IPP: variants seen among roughly 807,000 people sequenced by gnomAD.
IPP encodes actin-binding protein IPP.
A neutral mutation model predicts 64.1 loss-of-function variants in IPP; 41 were observed. The ratio of observed to expected loss-of-function variants is 0.64; its 90% CI spans 0.50 to 0.83. The LOEUF (loss-of-function observed/expected upper bound fraction) is 0.83. Among genes scored for constraint, IPP ranks in the 40% least tolerant of loss-of-function variants. The pLI is 0.00. For synonymous variants in IPP, 214 were observed against 235.2 expected, an observed-to-expected ratio of 0.91 and a Z score of 0.83; for missense variants, 649 against 703.0, an observed-to-expected ratio of 0.92 and a Z score of 0.87.
intron 8 of IPP, among the ~76,000 whole-genome samples, chr1:45,708,405 G>A (rs199538870): frequency 5.4e-4 from 81 of 150,908 alleles, no homozygotes; most frequent in African/African-American, 1.7e-3. Context: ...AGGGCCAGGC[G>A]CGGTGGCTCA....
chr1:45,711,201 G>C (rs1398767208), intron 8 of IPP, among the ~76,000 whole-genome samples: 1 of 150,840 alleles, frequency 6.6e-6, no homozygotes, highest in African/African-American at 2.4e-5. Context: ...AATTAGCCAG[G>C]CATGGTGGCG....
intron 5 of IPP, among the ~76,000 whole-genome samples, chr1:45,727,288 G>C (rs970922204): frequency 5.9e-5 from 9 of 152,120 alleles, no homozygotes; most frequent in Non-Finnish European, 1.2e-4. Flanking sequence ...GAGCTCAAGT[G>C]ATCCGCCTGC....
intron 3 of IPP, among the ~76,000 whole-genome samples, chr1:45,740,559 C>A (rs559734772): frequency 7.9e-5 from 12 of 152,188 alleles, no homozygotes; most frequent in Admixed American, 3.9e-4. Context: ...GCTGACCCCC[C>A]CTAGGAAATC....
intron 3 of IPP, among the ~76,000 whole-genome samples, chr1:45,731,352 G>A (rs535862770): frequency 6.6e-6 from 1 of 152,166 alleles, no homozygotes; most frequent in East Asian, 1.9e-4. Context: ...GAGGAGGGAG[G>A]ATCACTTGAG....
Position 45,714,422 on chromosome 1 carries a change from G to C in IPP, c.1354C>G (p.Leu452Val), listed in dbSNP as rs1645631158. The change falls in exon 8 of 9, where the codon CTT (leucine) becomes GTT (valine). Residue 452 changes from leucine to valine, a missense_variant. By Grantham distance (32) the Leu-to-Val change is conservative (BLOSUM62 1). Transcript: ENST00000396478. Reference protein sequence around the residue: ...IGGISNEGIELRSFEVYDPLS... With the variant: ...IGGISNEGIEVRSFEVYDPLS... ...GGATCATAGACTTCAAAAGAACGAAGTTCTATTCCTTCATTGCTGATGCCC... is the reference window on the plus strand; with the variant it reads ...GGATCATAGACTTCAAAAGAACGAACTTCTATTCCTTCATTGCTGATGCCC... 1 of 1,613,846 alleles carries C rather than the reference G, an allele frequency of 6.2e-7. No individual in the cohort carries two copies. The highest frequency in any genetic ancestry group is 8.5e-7 in the Non-Finnish European group (1 of 1,179,848).
intron 3 of IPP, among the ~76,000 whole-genome samples, chr1:45,731,238 C>T (rs1021367510): frequency 6.6e-6 from 1 of 151,870 alleles, no homozygotes; most frequent in Non-Finnish European, 1.5e-5. Context: ...GCCAGGAGTT[C>T]AAGACCAGCC....
At chr1:45,727,332 G>C (rs1645842442) in intron 5 of IPP, among the ~76,000 whole-genome samples, 1 of 152,114 alleles carries the variant, frequency 6.6e-6, no homozygotes, top group South Asian at 2.1e-4. Context: ...TTACAGGTGT[G>C]AGCCACTGCA....
Position 45,719,272 on chromosome 1 carries a change from C to T in IPP, c.1117G>A (p.Val373Ile), listed in dbSNP as rs770201964. 2 of 1,613,310 alleles carry T rather than the reference C, an allele frequency of 1.2e-6. No homozygotes were observed. Among genetic ancestry groups the T allele is most frequent in the Non-Finnish European group, 1.7e-6 (2 of 1,179,514 alleles). ...CAGCGGGGATGATTCATCGAAGCTA[C>T]AGTTGTCCACTGTTTAGTAACTGGA... ...YDPVTKQWTT[V>I]ASMNHPRCGL... Residue 373 changes from valine (V) to isoleucine (I), a missense_variant, in exon 6 of 9, where the codon GTA (valine) becomes ATA (isoleucine). Physicochemically the swap from Val to Ile is conservative, Grantham distance 29. Coordinates refer to ENST00000396478, the MANE Select transcript of IPP (RefSeq NM_005897.3).
At chr1:45,719,094 T>C in intron 6 of IPP, 109 bp downstream of exon 6, 1 of 956,700 alleles carries the variant, frequency 1.0e-6, no homozygotes, top group Non-Finnish European at 1.6e-6. Context: ...ATTATGTGCC[T>C]GTATCTCATG....
At chr1:45,736,168 G>A (rs910504460) in intron 3 of IPP, among the ~76,000 whole-genome samples, 2 of 151,782 alleles carry the variant, frequency 1.3e-5, no homozygotes, top group East Asian at 3.9e-4. Context: ...GTTCAGCCCA[G>A]GCTAGTCTCA....
chr1:45,724,271 C>G (rs1031065911), intron 5 of IPP, among the ~76,000 whole-genome samples: 1 of 152,258 alleles, frequency 6.6e-6, no homozygotes, highest in Admixed American at 6.5e-5. Context: ...GACGGAGTCT[C>G]GTTCACTCAG....
chr1:45,741,625 T>TAAAGAAACAGAACCAAAG (rs1285076695), intron 2 of IPP, among the ~76,000 whole-genome samples: 8 of 90,368 alleles, frequency 8.9e-5, no homozygotes, highest in Admixed American at 4.1e-4. Context: ...CTTATTTTCT[T>TAAAGAAACAGAACCAAAG]TTTTTTTTTT....
At chr1:45,717,194 T>C (rs935514207) in intron 6 of IPP, among the ~76,000 whole-genome samples, 177 bp from the exon 7 acceptor site, 1 of 132,582 alleles carries the variant, frequency 7.5e-6, no homozygotes, top group African/African-American at 2.9e-5. Flanking sequence ...AGAACTCAGG[T>C]CCTTTGCATA....
intron 2 of IPP, among the ~76,000 whole-genome samples, chr1:45,744,855 T>C (rs1479493791): frequency 1.3e-5 from 2 of 151,762 alleles, no homozygotes; most frequent in Admixed American, 6.6e-5. Flanking sequence ...AAAAAAAATT[T>C]TTTTTTAGCC....
At chr1:45,728,808 G>A (rs1645867541) in intron 4 of IPP, among the ~76,000 whole-genome samples, 1 of 151,866 alleles carries the variant, frequency 6.6e-6, no homozygotes, top group Non-Finnish European at 1.5e-5. Context: ...TAAGTTTAAT[G>A]CTTTTTAAAA....
Position 45,729,748 on chromosome 1 carries a change from C to T in IPP, c.746G>A (p.Arg249His), listed in dbSNP as rs61729321. The T allele has an allele frequency of 6.9e-4, 1,096 of 1,586,488 alleles. 6 individuals carry two copies. In the African/African-American group the frequency reaches 0.013, roughly 19 times the overall value. ...TTTCAGAAGTGTTTGCAATGCAACA[C>T]GAAGATTAAAATCGGATACTCCTAA... is the stretch of plus-strand genomic sequence containing the variant. ...YIEGVSDFNLRVALQTLLKEY... is the reference protein window; with the variant it reads ...YIEGVSDFNLHVALQTLLKEY... Residue 249 changes from arginine to histidine, a missense_variant, in exon 4 of 9, where the codon CGT (arginine) becomes CAT (histidine). Transcript: ENST00000396478.
chr1:45,702,317 A>G (rs1199215364), intron 8 of IPP, among the ~76,000 whole-genome samples: 1 of 152,180 alleles, frequency 6.6e-6, no homozygotes, highest in Non-Finnish European at 1.5e-5. Context: ...CTCAAAAAAA[A>G]AAAAACTCTG....
chr1:45,726,795 C>T (rs1645834421), intron 5 of IPP, among the ~76,000 whole-genome samples: 1 of 149,746 alleles, frequency 6.7e-6, no homozygotes, highest in African/African-American at 2.5e-5. Context: ...GCGATCTCGG[C>T]TTACTGCAAC....
At chr1:45,732,031 C>G (rs1218053288) in intron 3 of IPP, among the ~76,000 whole-genome samples, 1 of 151,958 alleles carries the variant, frequency 6.6e-6, no homozygotes, top group Non-Finnish European at 1.5e-5. Context: ...TAGACAGACT[C>G]CTCGTAAGTG....
Sources: allele counts gnomAD v4.1 joint callset (sites outside exome capture counted in the v4.1 genomes callset), GRCh38; gene constraint gnomAD v4.1.1; transcripts MANE v1.5; gene names NCBI Gene and HGNC (gene_info 2026-07-23, HGNC 2026-07-21).